TRMT11: variants seen among roughly 807,000 people sequenced by gnomAD.
TRMT11 encodes tRNA methyltransferase 11, also known as tRNA (guanine(10)-N(2))-methyltransferase TRMT11.
In TRMT11, 53 loss-of-function variants were observed where a neutral mutation model predicts 62.8. The ratio of observed to expected loss-of-function variants is 0.84; its 90% CI spans 0.68 to 1.06. The LOEUF (loss-of-function observed/expected upper bound fraction) is 1.06. Ranked by LOEUF, TRMT11 falls within the 50% of genes least tolerant of loss-of-function variation. The pLI is 0.00. For missense variants in TRMT11, 556 were observed against 553.4 expected (o/e 1.00, Z -0.05); for synonymous variants, 188 against 190.3 (o/e 0.99, Z 0.10).
chr6:126,141,293 GAACA>G (rs1357161710), intron 21 of TRMT11, among the ~76,000 whole-genome samples: 3 of 152,040 alleles, frequency 2.0e-5, no homozygotes, highest in African/African-American at 7.2e-5. Context: ...AAAATAAAAT[GAACA>G]AATAATTAAG....
chr6:126,208,867 A>T, the TRMT11 span, among the ~76,000 whole-genome samples: 1 of 152,260 alleles, frequency 6.6e-6, no homozygotes, highest in Non-Finnish European at 1.5e-5. Context: ...GAGTGCCCAC[A>T]TACGCCTAAA....
At chr6:126,108,963 AG>A (rs1473160623) in intron 17 of TRMT11, among the ~76,000 whole-genome samples, 1 of 152,186 alleles carries the variant, frequency 6.6e-6, no homozygotes, top group Non-Finnish European at 1.5e-5. Context: ...CTCTCCAAAA[AG>A]TTACGAGTAC....
chr6:126,223,633 G>T, the TRMT11 span, among the ~76,000 whole-genome samples: 3 of 152,078 alleles, frequency 2.0e-5, no homozygotes, highest in Non-Finnish European at 2.9e-5. Context: ...ATGACTATGT[G>T]TCTTGGAGAA....
the TRMT11 span, among the ~76,000 whole-genome samples, chr6:126,241,854 T>C: frequency 6.6e-6 from 1 of 152,180 alleles, no homozygotes; most frequent in Non-Finnish European, 1.5e-5. Flanking sequence ...ACTGGAAGCA[T>C]TCCCTTTGAA....
At chr6:126,014,842 T>C (rs1395686009) in intron 11 of TRMT11, among the ~76,000 whole-genome samples, 1 of 152,138 alleles carries the variant, frequency 6.6e-6, no homozygotes, top group Admixed American at 6.6e-5. Flanking sequence ...AAATGACCTA[T>C]CTAAAGTTAA....
downstream of TRMT11, among the ~76,000 whole-genome samples, chr6:126,202,999 G>A (rs979302139): frequency 6.6e-6 from 1 of 152,298 alleles, no homozygotes; most frequent in South Asian, 2.1e-4. Context: ...GTTGCATAAA[G>A]GGTGTTTCTT....
At chr6:126,029,299 G>C (rs1773754559) in intron 12 of TRMT11, among the ~76,000 whole-genome samples, 1 of 152,064 alleles carries the variant, frequency 6.6e-6, no homozygotes, top group African/African-American at 2.4e-5. Flanking sequence ...ATTATAAAGT[G>C]AACATCCATG....
chr6:126,075,484 C>T (rs775786977), intron 17 of TRMT11, among the ~76,000 whole-genome samples: 13 of 151,940 alleles, frequency 8.6e-5, no homozygotes, highest in African/African-American at 3.1e-4. Context: ...CTCCCTCCCC[C>T]ACTTATCTCT....
At chr6:126,146,777 C>T (rs1354238627) in intron 21 of TRMT11, among the ~76,000 whole-genome samples, 1 of 152,146 alleles carries the variant, frequency 6.6e-6, no homozygotes, top group East Asian at 1.9e-4. Flanking sequence ...CTCAGCCTCC[C>T]AAAGTGTTGG....
chr6:126,219,914 TA>T, the TRMT11 span, among the ~76,000 whole-genome samples: 1 of 152,250 alleles, frequency 6.6e-6, no homozygotes, highest in Non-Finnish European at 1.5e-5. Flanking sequence ...TAAGTCAAGA[TA>T]ATCTAAGTTA....
chr6:126,048,003 C>T (rs1187641301), intron 16 of TRMT11, among the ~76,000 whole-genome samples: 5 of 152,230 alleles, frequency 3.3e-5, no homozygotes, highest in African/African-American at 4.8e-5. Flanking sequence ...GACCTACCCT[C>T]AATGACATCT....
At chr6:126,035,188 A>G (rs1035775032) in intron 12 of TRMT11, among the ~76,000 whole-genome samples, 2 of 152,202 alleles carry the variant, frequency 1.3e-5, no homozygotes, top group East Asian at 1.9e-4. Flanking sequence ...ATTTATATGT[A>G]TGATTATATG....
chr6:126,149,429 G>A (rs1778012815), intron 21 of TRMT11, among the ~76,000 whole-genome samples: 1 of 152,118 alleles, frequency 6.6e-6, no homozygotes, highest in South Asian at 2.1e-4. Flanking sequence ...TACACAATTT[G>A]TGAGACATTT....
intron 1 of TRMT11, among the ~76,000 whole-genome samples, chr6:125,990,047 T>C (rs766122767): frequency 6.6e-6 from 1 of 152,208 alleles, no homozygotes; most frequent in Non-Finnish European, 1.5e-5. Flanking sequence ...TCCCTTTCTG[T>C]AGTTTTTCCT....
At position 126,083,912 on chromosome 6, in the gene TRMT11, T is replaced by C. The variant is rs1007181554; in HGVS notation, c.*1438-28954T>C. ...CCAGTCTGATGCATATTGTGGCAAA[T>C]GGCAAGATCTCATTCTTTTTTAGGA... On this transcript the variant is annotated intron_variant and NMD_transcript_variant, in intron 17 of 22. Coordinates refer to the TRMT11 transcript ENST00000648977. 3.9e-5 allele frequency among the ~76,000 whole-genome samples: 6 copies of C among 152,280 alleles called. No homozygotes were observed. The East Asian group carries it at 1.2e-3, about 29-fold the overall frequency.
chr6:126,222,628 G>A, the TRMT11 span, among the ~76,000 whole-genome samples: 2 of 151,348 alleles, frequency 1.3e-5, no homozygotes, highest in African/African-American at 4.9e-5. Context: ...TCTCAACTTG[G>A]ACTTTATTAG....
At chr6:126,178,852 G>A (rs188808514) in intron 1 of TRMT11, among the ~76,000 whole-genome samples, 1 of 152,036 alleles carries the variant, frequency 6.6e-6, no homozygotes, top group African/African-American at 2.4e-5. Context: ...TAATTTAATA[G>A]TCTAGGTTTT....
chr6:126,083,410 A>C (rs538569330), intron 17 of TRMT11, among the ~76,000 whole-genome samples: 1 of 152,114 alleles, frequency 6.6e-6, no homozygotes, highest in African/African-American at 2.4e-5. Flanking sequence ...GTAATCTGCT[A>C]TTTACTTCCA....
At chr6:126,231,078 T>C in the TRMT11 span, among the ~76,000 whole-genome samples, 3 of 152,216 alleles carry the variant, frequency 2.0e-5, no homozygotes, top group African/African-American at 7.2e-5. Context: ...TAATAGGAGC[T>C]AGCACATTAG....
Sources: gnomAD v4.1 joint callset for allele counts (sites outside exome capture counted in the v4.1 genomes callset) on GRCh38, gnomAD v4.1.1 for gene constraint, MANE v1.5 for transcripts, NCBI Gene and HGNC (gene_info 2026-07-23, HGNC 2026-07-21) for gene names.